Variants in IFT80 observed in about 807,000 individuals in gnomAD.
IFT80 encodes intraflagellar transport protein 80 homolog.
Under a neutral mutation model 107.9 loss-of-function variants are expected in IFT80, and 79 were observed. The ratio of observed to expected loss-of-function variants is 0.73; its 90% CI spans 0.61 to 0.88. The LOEUF is 0.88. Ranked by LOEUF, IFT80 falls within the 40% of genes least tolerant of loss-of-function variation. The pLI is 0.00. For synonymous variants in IFT80, 299 were observed against 300.9 expected (o/e 0.99, Z 0.07); for missense variants, 797 against 914.2 (o/e 0.87, Z 1.65).
rs541187898 is a variant in IFT80, at chr3:160,359,991, G to A, written c.550-2413C>T. On this transcript the variant is annotated intron_variant, in intron 6 of 19. Transcript: ENST00000326448. ...CCTCGCCAGCAATGGAACAAAGCTG[G>A]ACAGAGAATGACTTTGATGAGTTGA... 1.2e-4 allele frequency among the ~76,000 whole-genome samples: 18 copies of A among 152,334 alleles called. No homozygotes were observed. In the South Asian group the frequency reaches 3.5e-3, roughly 30 times the overall value.
At chr3:160,357,849 T>C (rs1020220728) in intron 6 of IFT80, among the ~76,000 whole-genome samples, 1 of 152,188 alleles carries the variant, frequency 6.6e-6, no homozygotes, top group Non-Finnish European at 1.5e-5. Flanking sequence ...GAAAATGACT[T>C]GCTGCTGAAC....
chr3:160,384,461 G>GAA, intron 2 of IFT80, 103 bp downstream of exon 2: 4 of 1,326,498 alleles, frequency 3.0e-6, no homozygotes, highest in South Asian at 1.8e-5. Context: ...CTAAAGGAAT[G>GAA]AAAAAAAAAA....
chr3:160,290,596 T>C (rs1283153878), intron 12 of IFT80, among the ~76,000 whole-genome samples: 3 of 152,106 alleles, frequency 2.0e-5, no homozygotes, highest in Non-Finnish European at 2.9e-5. Flanking sequence ...TTTGTTTTGT[T>C]TAGATGGAGT....
At chr3:160,336,367 T>C (rs926716071) in intron 8 of IFT80, among the ~76,000 whole-genome samples, 4 of 152,232 alleles carry the variant, frequency 2.6e-5, no homozygotes, top group African/African-American at 9.6e-5. Flanking sequence ...ATTTGTTTCA[T>C]TTACTTTTGA....
chr3:160,324,392 C>A (rs1718513827), intron 8 of IFT80, among the ~76,000 whole-genome samples: 1 of 152,044 alleles, frequency 6.6e-6, no homozygotes, highest in African/African-American at 2.4e-5. Flanking sequence ...AAAATACTGG[C>A]AAAACGAATC....
In IFT80 at chr3:160,300,919, C is replaced by T; in HGVS notation, c.1279G>A (p.Asp427Asn). The part of the protein sequence containing the change: ...LNAQTVSLSN[D>N]TIAIRDKADE... Reference sequence around the variant, plus strand: ...GCTTTGTCTCTTATTGCTATGGTATCATTACTCAAAGACACAGTCTGTGCA... The same window carrying T: ...GCTTTGTCTCTTATTGCTATGGTATTATTACTCAAAGACACAGTCTGTGCA... The change falls in exon 12 of 20, where the codon GAT becomes AAT. Residue 427 changes from aspartate to asparagine, a missense_variant. Physicochemically the swap from Asp to Asn is conservative, Grantham distance 23. Coordinates refer to ENST00000326448, the MANE Select transcript of IFT80 (RefSeq NM_020800.3). 6.2e-7 allele frequency: 1 copy of T among 1,609,926 alleles called. No individual in the cohort carries two copies. Among genetic ancestry groups the T allele is most frequent in the East Asian group, 2.2e-5 (1 of 44,638 alleles).
intron 1 of IFT80, among the ~76,000 whole-genome samples, chr3:160,388,490 T>G (rs1713111419): frequency 1.3e-5 from 2 of 151,080 alleles, no homozygotes; most frequent in African/African-American, 4.8e-5. Flanking sequence ...AAATACATCA[T>G]GACCGTGGTA....
At chr3:160,315,011 A>G (rs1717688897) in intron 9 of IFT80, among the ~76,000 whole-genome samples, 1 of 141,064 alleles carries the variant, frequency 7.1e-6, no homozygotes, top group African/African-American at 2.6e-5. Context: ...GAGCTTCAAT[A>G]TTTAAAGGGA....
intron 12 of IFT80, among the ~76,000 whole-genome samples, chr3:160,291,106 G>A (rs767166322): frequency 2.6e-5 from 4 of 152,112 alleles, no homozygotes; most frequent in African/African-American, 7.2e-5. Context: ...ATACAAAAAC[G>A]CTGGGTAGAA....
intron 12 of IFT80, among the ~76,000 whole-genome samples, chr3:160,291,760 G>T (rs552350915): frequency 6.6e-6 from 1 of 152,300 alleles, no homozygotes; most frequent in African/African-American, 2.4e-5. Context: ...ACAGCCTCAA[G>T]GAACTTACTG....
intron 1 of IFT80, among the ~76,000 whole-genome samples, chr3:160,388,395 T>C (rs1439585185): frequency 6.6e-6 from 1 of 151,348 alleles, no homozygotes; most frequent in Non-Finnish European, 1.5e-5. Flanking sequence ...TCAAGAAAAG[T>C]ACAGAAAAAT....
At chr3:160,359,076 CTT>C (rs1428644540) in intron 6 of IFT80, among the ~76,000 whole-genome samples, 1 of 152,140 alleles carries the variant, frequency 6.6e-6, no homozygotes, top group Admixed American at 6.6e-5. Context: ...ATTAAGCACA[CTT>C]TTTTGTGGAC....
At position 160,399,225 on chromosome 3, in the gene IFT80, C is replaced by G. The variant is rs1359406535; in HGVS notation, c.-126G>C. ...TCACCATAGTGACTTCTAAGAGTTA[C>G]GCTCCCTTCCTCTTCCCGCGATACT... On this transcript the variant is annotated 5_prime_UTR_variant, in exon 1 of 20. Transcript: ENST00000326448. 2 of 152,180 alleles carry G rather than the reference C, an allele frequency of 1.3e-5. No homozygotes were observed. Among genetic ancestry groups the G allele is most frequent in the Non-Finnish European group, 2.9e-5 (2 of 68,052 alleles). 9.4% of individuals were successfully genotyped at this position (152,180 alleles called of 1,614,324 possible). A position where few individuals can be genotyped will look rare whatever the true frequency, so the allele number is the denominator to read the frequency against.
intron 8 of IFT80, chr3:160,342,860 T>A (rs1352925779): frequency 3.3e-5 from 5 of 152,426 alleles, no homozygotes; most frequent in Admixed American, 2.0e-4. Flanking sequence ...ACATAGTGAC[T>A]CCTGGTGGCA....
intron 8 of IFT80, among the ~76,000 whole-genome samples, chr3:160,327,604 T>C (rs1282795132): frequency 6.6e-6 from 1 of 152,150 alleles, no homozygotes; most frequent in African/African-American, 2.4e-5. Flanking sequence ...TAAACAAATT[T>C]AATAAATGGT....
At chr3:160,338,717 T>C (rs1343420112) in intron 8 of IFT80, among the ~76,000 whole-genome samples, 1 of 151,850 alleles carries the variant, frequency 6.6e-6, no homozygotes, top group Non-Finnish European at 1.5e-5. Context: ...GAGAAGAACA[T>C]GGCCCTGGGA....
chr3:160,266,393 CTT>C (rs1713327917), intron 19 of IFT80, among the ~76,000 whole-genome samples: 1 of 137,230 alleles, frequency 7.3e-6, no homozygotes, highest in Admixed American at 7.7e-5. Flanking sequence ...TTCTTTCTCT[CTT>C]TTCTTTCATT....
intron 8 of IFT80, among the ~76,000 whole-genome samples, chr3:160,328,765 G>A (rs1040602459): frequency 2.2e-4 from 34 of 152,204 alleles, no homozygotes; most frequent in African/African-American, 7.5e-4. Flanking sequence ...GCTGGAGAAC[G>A]AAAATGTGGT....
chr3:160,381,536 G>T lies in IFT80; in HGVS notation c.226C>A (p.Gln76Lys). 1 of 1,613,634 alleles carries T rather than the reference G, an allele frequency of 6.2e-7. No homozygotes were observed. The highest frequency in any genetic ancestry group is 2.2e-5 in the East Asian group (1 of 44,828). Residue 76 changes from glutamine (Q) to lysine (K), a missense_variant, in exon 3 of 20, where the codon CAG becomes AAG. By Grantham distance (53) the Gln-to-Lys change is moderately conservative. Transcript: ENST00000326448. ...PKSLGVKKQT[Q>K]AESFVLTSSD... ...CTTGTGAGGACAAAGCTTTCTGCCT[G>T]GGTTTGTTTCTTTACACCCAAACTT...
Sources: gnomAD v4.1 joint callset for allele counts (sites outside exome capture counted in the v4.1 genomes callset) on GRCh38, gnomAD v4.1.1 for gene constraint, MANE v1.5 for transcripts, NCBI Gene and HGNC (gene_info 2026-07-23, HGNC 2026-07-21) for gene names.